The following MTRFR variants were observed in gnomAD, a reference collection of about 807,000 sequenced individuals.
MTRFR encodes probable peptide chain release factor C12orf65, mitochondrial.
In MTRFR, 10 loss-of-function variants were observed where a neutral mutation model predicts 11.9. The observed-to-expected ratio is 0.84, with a 90% CI of 0.52 to 1.42. The LOEUF is 1.42. Among genes scored for constraint, MTRFR ranks in the 40% most tolerant of loss-of-function variants. The pLI, the probability that MTRFR is intolerant of heterozygous loss-of-function variation, is 0.00. For missense variants in MTRFR, 196 were observed against 197.9 expected (o/e 0.99, Z 0.06); for synonymous variants, 77 against 79.1 (o/e 0.97, Z 0.14).
intron 1 of MTRFR, among the ~76,000 whole-genome samples, chr12:123,235,408 TTG>T (rs3038484): frequency 6.6e-6 from 1 of 150,944 alleles, no homozygotes. Context: ...GTAGTGAGTT[TTG>T]TGTGTGTGTG....
intron 1 of MTRFR, chr12:123,243,875 T>TGTCTC (rs1333323661): frequency 6.6e-6 from 1 of 152,218 alleles, no homozygotes; most frequent in Non-Finnish European, 1.5e-5. Context: ...CCTGATCCCA[T>TGTCTC]GTCTCCATCC....
intron 1 of MTRFR, among the ~76,000 whole-genome samples, chr12:123,237,384 C>T (rs1373175873): frequency 6.6e-6 from 1 of 152,196 alleles, no homozygotes; most frequent in African/African-American, 2.4e-5. Flanking sequence ...GAGCCAAGAT[C>T]ACGCCATTGC....
chr12:123,233,079 C>A (rs1206240764), upstream of MTRFR: 4 of 152,318 alleles, frequency 2.6e-5, no homozygotes, highest in Non-Finnish European at 5.9e-5. Context: ...GCTTACCTGG[C>A]CGCCGCTCCC....
At chr12:123,232,933 CGAGGGGGTCA>C (rs2047730578), upstream of MTRFR, 3 of 152,432 alleles carry the variant, frequency 2.0e-5, no homozygotes, top group African/African-American at 7.2e-5. Context: ...CGAAGGGCTC[CGAGGGGGTCA>C]GGCCAATCGG....
intron 2 of MTRFR, chr12:123,254,923 G>T (rs1290452113): frequency 6.7e-6 from 1 of 149,728 alleles, no homozygotes; most frequent in Non-Finnish European, 1.5e-5. Flanking sequence ...CAACAGACAA[G>T]ATTCCCTCTT....
At chr12:123,233,137 G>C (rs1388522196), upstream of MTRFR, 4 of 91,184 alleles carry the variant, frequency 4.4e-5, no homozygotes, top group Non-Finnish European at 1.3e-4. Context: ...ACCGTTACCC[G>C]AGGGAGCGCG....
At chr12:123,252,589 T>C (rs920667692) in intron 1 of MTRFR, 4 of 151,174 alleles carry the variant, frequency 2.6e-5, no homozygotes, top group African/African-American at 9.7e-5. Flanking sequence ...TAGTGATGTT[T>C]ACTATGTCAG....
intron 1 of MTRFR, chr12:123,253,354 A>G (rs183574107): frequency 8.3e-6 from 3 of 363,060 alleles, no homozygotes; most frequent in African/African-American, 6.4e-5. Flanking sequence ...TCACACTCAA[A>G]ACCTCTCCTT....
chr12:123,251,968 G>A (rs2048118419), intron 1 of MTRFR: 1 of 152,444 alleles, frequency 6.6e-6, no homozygotes, highest in South Asian at 2.1e-4. Context: ...AGAACGTGGA[G>A]TCTGATGTTC....
upstream of MTRFR, chr12:123,233,408 A>G (rs1157808159): frequency 6.6e-6 from 1 of 152,280 alleles, no homozygotes; most frequent in African/African-American, 2.4e-5. Context: ...CCTCTGGTAG[A>G]TAAGAGAAAC....
At chr12:123,239,967 A>G (rs1331277188) in intron 1 of MTRFR, among the ~76,000 whole-genome samples, 5 of 151,940 alleles carry the variant, frequency 3.3e-5, no homozygotes, top group African/African-American at 4.8e-5. Flanking sequence ...GAACAGTCCT[A>G]TGTGCCAGAA....
chr12:123,254,105 C>A (rs976259922), intron 2 of MTRFR, 149 bp downstream of exon 2: 1 of 874,306 alleles, frequency 1.1e-6, no homozygotes, highest in African/African-American at 1.7e-5. Flanking sequence ...TAGAGAGCAC[C>A]GCAGATCTCG....
rs1371388449 is a variant in MTRFR, at chr12:123,256,958, AAAG to A, written c.430_432del (p.Arg144del). Reference sequence around the variant, plus strand: ...GCGAAGAAAAAACAAGAAAGGAAAAAAAGAGCAAAGGAAACCCTGGAAAAAAAG... The same window carrying A: ...GCGAAGAAAAAACAAGAAAGGAAAAAAGCAAAGGAAACCCTGGAAAAAAAG... On this transcript the variant is annotated inframe_deletion, in exon 3 of 3. Coordinates refer to ENST00000253233, the MANE Select transcript of MTRFR (RefSeq NM_152269.5). 4 of 1,613,798 alleles carry A rather than the reference AAAG, an allele frequency of 2.5e-6. No homozygotes were observed. In the South Asian group the frequency reaches 3.3e-5, roughly 13 times the overall value.
chr12:123,240,991 G>T, intron 1 of MTRFR, among the ~76,000 whole-genome samples: 1 of 152,070 alleles, frequency 6.6e-6, no homozygotes, highest in Non-Finnish European at 1.5e-5. Flanking sequence ...TAGGATTACA[G>T]GTGTGAGCCA....
chr12:123,256,797 A>ATATT lies in MTRFR; in HGVS notation c.283-15_283-12dup. On this transcript the variant is annotated splice_polypyrimidine_tract_variant and intron_variant, in intron 2 of 2. Coordinates refer to ENST00000253233, the MANE Select transcript of MTRFR (RefSeq NM_152269.5). Reference sequence around the variant, plus strand: ...CATCCTGTGGTTTTCACATTATAAAATATTATCTCTTACAGTGCCATCAGA... The same window carrying ATATT: ...CATCCTGTGGTTTTCACATTATAAAATATTTATTATCTCTTACAGTGCCATCAGA... 1 of 1,596,150 alleles carries ATATT rather than the reference A, an allele frequency of 6.3e-7. No homozygotes were observed. Among genetic ancestry groups the ATATT allele is most frequent in the East Asian group, 2.2e-5 (1 of 44,770 alleles).
chr12:123,253,107 T>TTTTTTTTTTTTTTTTTTTTTG lies in MTRFR; in HGVS notation c.-28-540_-28-539insTTTTTTTTTTTTTTTTTTTTG, dbSNP rs766114484. On this transcript the variant is annotated intron_variant, in intron 1 of 2. Transcript: ENST00000253233. ...TTTTTTTTTTTTTTTTTTTTTTTTT[T>TTTTTTTTTTTTTTTTTTTTTG]GAGACACTGTCTCGCTCTGTTGTCC... Among the ~76,000 whole-genome samples, 43 of 63,358 alleles carry TTTTTTTTTTTTTTTTTTTTTG rather than the reference T, an allele frequency of 6.8e-4. 16 individuals carry two copies. The highest frequency in any genetic ancestry group is 1.2e-3 in the Non-Finnish European group (36 of 29,410). The allele number at this position is 63,358 out of a possible 152,430, so 41.6% of individuals were successfully genotyped here.
intron 1 of MTRFR, chr12:123,250,231 G>T (rs766240531): frequency 7.2e-5 from 11 of 152,078 alleles, no homozygotes; most frequent in Non-Finnish European, 1.3e-4. Context: ...ATTTTTTATT[G>T]TTTTTTCTTT....
intron 1 of MTRFR, among the ~76,000 whole-genome samples, chr12:123,237,830 CAGG>C (rs2047874595): frequency 6.6e-6 from 1 of 152,120 alleles, no homozygotes; most frequent in African/African-American, 2.4e-5. Context: ...GATGAGCTAA[CAGG>C]AGGATGTGAA....
intron 1 of MTRFR, among the ~76,000 whole-genome samples, chr12:123,238,356 T>C (rs1486700756): frequency 6.6e-6 from 1 of 152,190 alleles, no homozygotes; most frequent in Non-Finnish European, 1.5e-5. Context: ...GGCCCTTAAC[T>C]GTTTATTAGG....
Sources: gnomAD v4.1 joint callset for allele counts (sites outside exome capture counted in the v4.1 genomes callset) on GRCh38, gnomAD v4.1.1 for gene constraint, MANE v1.5 for transcripts, NCBI Gene and HGNC (gene_info 2026-07-23, HGNC 2026-07-21) for gene names.